NPAS3: variants seen among roughly 807,000 people sequenced by gnomAD.
The protein encoded by NPAS3 is neuronal PAS domain protein 3, also known as neuronal PAS domain-containing protein 3.
A neutral mutation model predicts 73.1 loss-of-function variants in NPAS3; 14 were observed. The ratio of observed to expected loss-of-function variants is 0.19; its 90% CI spans 0.13 to 0.30. NPAS3 has a LOEUF of 0.30. NPAS3 is among the 10% of genes least tolerant of loss of function. The probability of loss-of-function intolerance (pLI) is 1.00; values close to 1 mark genes in which losing one functional copy is unlikely to be tolerated. For missense variants in NPAS3, 1,096 were observed against 1,250.0 expected (o/e 0.88, Z 1.86); for synonymous variants, 620 against 541.5 (o/e 1.14, Z -2.01).
intron 2 of NPAS3, among the ~76,000 whole-genome samples, chr14:33,195,411 C>T (rs540876811): frequency 2.6e-5 from 4 of 152,196 alleles, no homozygotes; most frequent in South Asian, 2.1e-4. Flanking sequence ...GCTGGGATTA[C>T]AGGCGTGCAC....
chr14:33,581,361 T>A (rs1595202816), intron 5 of NPAS3, among the ~76,000 whole-genome samples: 1 of 152,278 alleles, frequency 6.6e-6, no homozygotes, highest in East Asian at 1.9e-4. Flanking sequence ...TTAAAAATGT[T>A]TTAATACATT....
chr14:33,290,842 A>G (rs2042071721), intron 3 of NPAS3, among the ~76,000 whole-genome samples: 1 of 152,230 alleles, frequency 6.6e-6, no homozygotes, highest in Non-Finnish European at 1.5e-5. Flanking sequence ...CAGCATCTGC[A>G]TAATCCCTTT....
intron 3 of NPAS3, among the ~76,000 whole-genome samples, chr14:33,223,267 C>T (rs553636027): frequency 4.6e-5 from 7 of 152,064 alleles, no homozygotes; most frequent in Non-Finnish European, 7.4e-5. Flanking sequence ...GCCGAGACTG[C>T]GCCTCTTCAT....
chr14:33,533,502 C>T (rs1251076325), intron 4 of NPAS3, among the ~76,000 whole-genome samples: 2 of 152,124 alleles, frequency 1.3e-5, no homozygotes, highest in Non-Finnish European at 2.9e-5. Flanking sequence ...AACTGACATT[C>T]CTGTTTGCTA....
intron 4 of NPAS3, among the ~76,000 whole-genome samples, chr14:33,550,118 A>G (rs557284872): frequency 2.8e-4 from 42 of 152,052 alleles, no homozygotes; most frequent in African/African-American, 9.7e-4. Context: ...CTGTTCCTCA[A>G]TTAGACCACA....
chr14:33,590,002 C>G (rs547796235), intron 5 of NPAS3, among the ~76,000 whole-genome samples: 7 of 152,210 alleles, frequency 4.6e-5, no homozygotes, highest in African/African-American at 1.7e-4. Context: ...CAATAAAACC[C>G]AAATGTGCTG....
intron 4 of NPAS3, among the ~76,000 whole-genome samples, chr14:33,544,337 T>C (rs1162129577): frequency 3.9e-5 from 6 of 152,080 alleles, no homozygotes; most frequent in African/African-American, 1.4e-4. Flanking sequence ...CATACATATA[T>C]ATGTGTGCCA....
At position 33,800,940 on chromosome 14, in the gene NPAS3, G is replaced by A. The variant is rs1387284952; in HGVS notation, c.2633G>A (p.Arg878Gln). ...GAGATGCTCTACCACCACGTGCACCGGCTCAACATGTCAGGACCGTTCGGC... is the reference window on the plus strand; with the variant it reads ...GAGATGCTCTACCACCACGTGCACCAGCTCAACATGTCAGGACCGTTCGGC... Residue 878 changes from arginine to glutamine, a missense_variant, in exon 12 of 12, where the codon CGG becomes CAG. By Grantham distance (43) the Arg-to-Gln change is conservative. This residue lies in a region of NPAS3 where 698 missense variants were observed against 676.7 expected (regional missense o/e 1.03). Transcript: ENST00000356141. This position sits in a 1 kb window ranked among gnomAD's most constrained non-coding sequence, Gnocchi z 6.5. 1.2e-6 allele frequency: 2 copies of A among 1,606,862 alleles called. No individual in the cohort carries two copies. The highest frequency in any genetic ancestry group is 1.1e-5 in the South Asian group (1 of 89,644).
At chr14:33,389,614 A>C (rs1349932067) in intron 4 of NPAS3, among the ~76,000 whole-genome samples, 3 of 152,208 alleles carry the variant, frequency 2.0e-5, no homozygotes, top group African/African-American at 7.2e-5. Context: ...GGTTGAAGCC[A>C]CAATCTTAAT....
chr14:33,487,979 C>G (rs2051696788), intron 4 of NPAS3, among the ~76,000 whole-genome samples: 2 of 152,010 alleles, frequency 1.3e-5, no homozygotes. Flanking sequence ...GAATTTAACT[C>G]AATAGAAATG....
At chr14:33,150,722 G>A (rs1194297012) in intron 2 of NPAS3, among the ~76,000 whole-genome samples, 1 of 152,122 alleles carries the variant, frequency 6.6e-6, no homozygotes, top group Admixed American at 6.6e-5. Context: ...TGATTTCTCC[G>A]TAATCATGCT....
At chr14:33,399,064 T>G in intron 4 of NPAS3, among the ~76,000 whole-genome samples, 1 of 152,090 alleles carries the variant, frequency 6.6e-6, no homozygotes, top group East Asian at 1.9e-4. Flanking sequence ...AATGGACTAT[T>G]ATTGAGGTTG....
intron 1 of NPAS3, among the ~76,000 whole-genome samples, chr14:32,978,408 C>T (rs766727435): frequency 5.3e-5 from 8 of 152,092 alleles, no homozygotes; most frequent in Non-Finnish European, 8.8e-5. Context: ...TTGTATTTTG[C>T]GTGAATAGAG....
intron 4 of NPAS3, among the ~76,000 whole-genome samples, chr14:33,384,704 T>C (rs1320866387): frequency 6.6e-6 from 1 of 152,224 alleles, no homozygotes; most frequent in East Asian, 1.9e-4. Flanking sequence ...CACTCCAGCC[T>C]GGGCAACAAG....
At chr14:33,140,044 A>G (rs1046793781) in intron 2 of NPAS3, among the ~76,000 whole-genome samples, 3 of 151,934 alleles carry the variant, frequency 2.0e-5, no homozygotes, top group African/African-American at 7.3e-5. Context: ...TAATAATTAT[A>G]GTAGTACTCC....
At chr14:33,325,733 GT>G (rs5807715) in intron 3 of NPAS3, among the ~76,000 whole-genome samples, 16,550 of 141,350 alleles carry the variant, frequency 0.12, 949 homozygotes, top group African/African-American at 0.16. Flanking sequence ...TTCTATCTGG[GT>G]TTTTTTTTTT....
intron 6 of NPAS3, among the ~76,000 whole-genome samples, chr14:33,726,654 T>C (rs1208650613): frequency 6.6e-6 from 1 of 152,154 alleles, no homozygotes; most frequent in African/African-American, 2.4e-5. Context: ...AATTATTGTA[T>C]CTATTTTTGC....
At chr14:33,351,341 G>A (rs1352413486) in intron 3 of NPAS3, among the ~76,000 whole-genome samples, 10 of 152,058 alleles carry the variant, frequency 6.6e-5, no homozygotes, top group Admixed American at 2.6e-4. Flanking sequence ...GGAACAGAGG[G>A]GTAAAATGCT....
At chr14:32,968,049 A>C (rs536454914) in intron 1 of NPAS3, among the ~76,000 whole-genome samples, 2 of 152,272 alleles carry the variant, frequency 1.3e-5, no homozygotes, top group South Asian at 4.2e-4. Flanking sequence ...TCATAAAAGT[A>C]GAGAGTAGAA....
Sources: allele counts gnomAD v4.1 joint callset (sites outside exome capture counted in the v4.1 genomes callset), GRCh38; gene constraint gnomAD v4.1.1; regional missense constraint gnomAD v4.1.1; non-coding constraint Gnocchi (gnomAD v3.1); transcripts MANE v1.5; gene names NCBI Gene and HGNC (gene_info 2026-07-23, HGNC 2026-07-21).